Variants in TMEM135 observed in about 807,000 individuals in gnomAD.
TMEM135 encodes transmembrane protein 135.
TMEM135 carries 30 observed loss-of-function variants against 60.3 expected under a neutral mutation model. The observed-to-expected ratio is 0.50, with a 90% CI of 0.37 to 0.68. The LOEUF is 0.68. Ranked by LOEUF, TMEM135 falls within the 30% of genes least tolerant of loss-of-function variation. TMEM135 has a pLI of 0.00. For synonymous variants in TMEM135, 190 were observed against 186.7 expected (o/e 1.02, Z -0.14); for missense variants, 468 against 548.8 (o/e 0.85, Z 1.47).
At chr11:87,301,484 C>T (rs1221614939) in intron 7 of TMEM135, among the ~76,000 whole-genome samples, 1 of 152,104 alleles carries the variant, frequency 6.6e-6, no homozygotes, top group Non-Finnish European at 1.5e-5. Context: ...GAACTCCTGG[C>T]CACAAGTGAT....
intron 5 of TMEM135, among the ~76,000 whole-genome samples, chr11:87,222,792 C>T (rs564101232): frequency 2.7e-5 from 4 of 149,858 alleles, no homozygotes; most frequent in Non-Finnish European, 5.9e-5. Flanking sequence ...GCAATAAGAG[C>T]GAAACTGTCT....
chr11:87,142,818 T>A (rs1217962382), intron 4 of TMEM135, among the ~76,000 whole-genome samples: 3 of 114,076 alleles, frequency 2.6e-5, no homozygotes, highest in Non-Finnish European at 5.7e-5. Context: ...TCTGCTCCTT[T>A]TTTCTCTTCC....
At chr11:87,264,692 A>G (rs950091606) in intron 6 of TMEM135, among the ~76,000 whole-genome samples, 4 of 151,886 alleles carry the variant, frequency 2.6e-5, no homozygotes, top group African/African-American at 9.7e-5. Flanking sequence ...AGCTCACTGT[A>G]TATAGTCAGT....
rs141652606 is a variant in TMEM135, at chr11:87,097,697, G to T, written c.396+6302G>T. Among the ~76,000 whole-genome samples, 418 of 152,282 alleles carry T rather than the reference G, an allele frequency of 2.7e-3. 2 individuals carry two copies. Among genetic ancestry groups the T allele is most frequent in the Non-Finnish European group, 5.1e-3 (344 of 68,034 alleles). On this transcript the variant is annotated intron_variant, in intron 4 of 14. Coordinates refer to ENST00000305494, the MANE Select transcript of TMEM135 (RefSeq NM_022918.4). ...CTTCAGCCACACTGCCCTCTCTGGT[G>T]TTGAGTGAGCATGACAAGCATGCTT...
chr11:87,293,126 T>A, intron 6 of TMEM135, among the ~76,000 whole-genome samples: 1 of 152,318 alleles, frequency 6.6e-6, no homozygotes, highest in East Asian at 1.9e-4. Flanking sequence ...CCATCTTACC[T>A]ATCTAGATTA....
In TMEM135 at chr11:87,327,641, A is replaced by G; in HGVS notation, c.*6308A>G. The G allele has an allele frequency of 2.2e-6, 1 of 453,998 alleles. No individual in the cohort carries two copies. Among genetic ancestry groups the G allele is most frequent in the Middle Eastern group, 6.9e-4 (1 of 1,444 alleles). 28.1% of individuals were successfully genotyped at this position (453,998 alleles called of 1,614,324 possible). A position where few individuals can be genotyped will look rare whatever the true frequency, so the allele number is the denominator to read the frequency against. ...TGAGAAACCCCACCACAGGCCATTCATAACCTGGAGACCTTGGGATGCTGG... is the reference window on the plus strand; with the variant it reads ...TGAGAAACCCCACCACAGGCCATTCGTAACCTGGAGACCTTGGGATGCTGG... On this transcript the variant is annotated 3_prime_UTR_variant, in exon 15 of 15. Coordinates refer to ENST00000305494, the MANE Select transcript of TMEM135 (RefSeq NM_022918.4).
At position 87,067,700 on chromosome 11, in the gene TMEM135, G is replaced by T. The variant is rs777748581; in HGVS notation, c.148G>T (p.Ala50Ser). The T allele has an allele frequency of 1.9e-6, 3 of 1,613,654 alleles. No individual in the cohort carries two copies. Among genetic ancestry groups the T allele is most frequent in the South Asian group, 1.1e-5 (1 of 91,074 alleles). ...KIYAPLYLIA[A>S]ILRKRKLDYY... is the part of the protein sequence containing the mutation. ...AAATCCTTTCTCTTTCCAGATTGCA[G>T]CAATTCTCCGGAAACGGAAATTAGA... Residue 50 changes from alanine (A) to serine (S), a missense_variant, in exon 2 of 15, where the codon GCA becomes TCA. Coordinates refer to ENST00000305494, the MANE Select transcript of TMEM135 (RefSeq NM_022918.4).
intron 5 of TMEM135, among the ~76,000 whole-genome samples, chr11:87,175,947 C>G (rs1307819643): frequency 6.6e-6 from 1 of 152,168 alleles, no homozygotes; most frequent in Non-Finnish European, 1.5e-5. Context: ...AACTTAAACA[C>G]TTTGAATTAG....
At chr11:87,234,803 A>C (rs775384735) in intron 5 of TMEM135, among the ~76,000 whole-genome samples, 2 of 152,042 alleles carry the variant, frequency 1.3e-5, no homozygotes, top group Non-Finnish European at 2.9e-5. Flanking sequence ...TCTCAGTTTC[A>C]AGTGTATTAT....
intron 6 of TMEM135, among the ~76,000 whole-genome samples, chr11:87,272,439 G>A (rs1240438663): frequency 6.6e-6 from 1 of 151,748 alleles, no homozygotes; most frequent in African/African-American, 2.4e-5. Flanking sequence ...TCAGCACTGT[G>A]ATGATTCTTA....
At chr11:87,178,229 C>T (rs1219165239) in intron 5 of TMEM135, among the ~76,000 whole-genome samples, 1 of 151,958 alleles carries the variant, frequency 6.6e-6, no homozygotes, top group Non-Finnish European at 1.5e-5. Flanking sequence ...TGGAAGCTAT[C>T]ACCATGAGCA....
At chr11:87,066,359 G>GACTCTGC (rs1421576974) in intron 1 of TMEM135, among the ~76,000 whole-genome samples, 9 of 151,976 alleles carry the variant, frequency 5.9e-5, no homozygotes, top group Non-Finnish European at 1.3e-4. Context: ...GCCTTCCCCT[G>GACTCTGC]TATTAAACTG....
intron 6 of TMEM135, among the ~76,000 whole-genome samples, chr11:87,250,572 A>G (rs901830454): frequency 6.6e-6 from 1 of 151,896 alleles, no homozygotes; most frequent in Non-Finnish European, 1.5e-5. Flanking sequence ...GTCTATGTGT[A>G]GTTTCCAAAG....
At chr11:87,090,051 G>A (rs1857174444) in intron 3 of TMEM135, among the ~76,000 whole-genome samples, 1 of 152,018 alleles carries the variant, frequency 6.6e-6, no homozygotes, top group Admixed American at 6.6e-5. Flanking sequence ...AAGGGCAATT[G>A]GGTTCTCTTG....
At chr11:87,166,114 A>G (rs1939036928) in intron 5 of TMEM135, among the ~76,000 whole-genome samples, 2 of 151,644 alleles carry the variant, frequency 1.3e-5, no homozygotes, top group Admixed American at 1.3e-4. Flanking sequence ...TACCAACCAA[A>G]TGTCTTCTTT....
At chr11:87,270,414 C>G (rs1469493668) in intron 6 of TMEM135, among the ~76,000 whole-genome samples, 1 of 152,012 alleles carries the variant, frequency 6.6e-6, no homozygotes, top group Non-Finnish European at 1.5e-5. Flanking sequence ...ACATGAAGTC[C>G]TTGTCCATAA....
intron 1 of TMEM135, among the ~76,000 whole-genome samples, chr11:87,055,296 A>G (rs1378957332): frequency 2.6e-5 from 4 of 152,204 alleles, no homozygotes; most frequent in Admixed American, 6.5e-5. Context: ...CTTTATAGAA[A>G]AATAGTTTAT....
At chr11:87,109,889 C>T (rs1242875955) in intron 4 of TMEM135, among the ~76,000 whole-genome samples, 1 of 150,594 alleles carries the variant, frequency 6.6e-6, no homozygotes, top group African/African-American at 2.5e-5. Context: ...TTAAATTTTT[C>T]TTTATGTGTT....
intron 7 of TMEM135, among the ~76,000 whole-genome samples, chr11:87,298,517 G>A (rs1565162112): frequency 6.6e-6 from 1 of 152,150 alleles, no homozygotes; most frequent in Admixed American, 6.6e-5. Context: ...GGCTGGGCAT[G>A]GTAGCTAACG....
Sources: gnomAD v4.1 joint callset for allele counts (sites outside exome capture counted in the v4.1 genomes callset) on GRCh38, gnomAD v4.1.1 for gene constraint, MANE v1.5 for transcripts, NCBI Gene and HGNC (gene_info 2026-07-23, HGNC 2026-07-21) for gene names.